Variants in AFF1 observed in about 807,000 individuals in gnomAD.
AFF1 encodes the protein AF4/FMR2 family member 1.
In AFF1, 48 loss-of-function variants were observed where a neutral mutation model predicts 121.7. The observed-to-expected ratio is 0.39, with a 90% CI of 0.31 to 0.50. The LOEUF (loss-of-function observed/expected upper bound fraction) is 0.50, where lower values mean the gene tolerates loss of function less well. AFF1 is among the 20% of genes least tolerant of loss of function. The pLI is 0.76. For missense variants in AFF1, 1,523 were observed against 1,511.7 expected (o/e 1.01, Z -0.12); for synonymous variants, 613 against 563.0 (o/e 1.09, Z -1.26).
chr4:87,033,163 G>GT (rs1185919808), intron 2 of AFF1, among the ~76,000 whole-genome samples: 21 of 152,120 alleles, frequency 1.4e-4, no homozygotes, highest in African/African-American at 4.8e-4. Flanking sequence ...AAGAATAAAT[G>GT]TTTTTTCTTT....
intron 2 of AFF1, among the ~76,000 whole-genome samples, chr4:86,970,046 G>A (rs1367554717): frequency 6.6e-6 from 1 of 151,900 alleles, no homozygotes; most frequent in Non-Finnish European, 1.5e-5. Flanking sequence ...GAAAGGGGGT[G>A]CACCAACTCC....
chr4:87,080,800 G>A (rs1723085946), intron 4 of AFF1, among the ~76,000 whole-genome samples: 1 of 152,150 alleles, frequency 6.6e-6, no homozygotes, highest in Admixed American at 6.5e-5. Flanking sequence ...ATCTTTCCCT[G>A]TAAACAAATC....
At position 87,046,712 on chromosome 4, in the gene AFF1, G is replaced by A; in HGVS notation, c.177G>A (p.Glu59=). The A allele has an allele frequency of 6.2e-7, 1 of 1,610,272 alleles. No individual in the cohort carries two copies. Among genetic ancestry groups the A allele is most frequent in the Non-Finnish European group, 8.5e-7 (1 of 1,177,022 alleles). The stretch of plus-strand genomic sequence containing the variant: ...TTTTTCAGACAGCAAAAGGTGATGA[G>A]CTGTCTAGTCGAATACAGAACATGT... ...GEPYKTAKGD[E]LSSRIQNMLG... is the part of the protein sequence containing the mutation. The change falls in exon 4 of 21, where the codon GAG becomes GAA. Residue 59 remains glutamate (E), a synonymous_variant. Coordinates refer to ENST00000395146, the MANE Select transcript of AFF1 (RefSeq NM_001166693.3).
At chr4:87,080,238 C>T (rs1422868981) in intron 4 of AFF1, among the ~76,000 whole-genome samples, 1 of 152,102 alleles carries the variant, frequency 6.6e-6, no homozygotes, top group African/African-American at 2.4e-5. Flanking sequence ...GTTTTGTGGT[C>T]ATGTTAAAGT....
chr4:87,135,982 G>T lies in AFF1; in HGVS notation c.*281G>T, dbSNP rs939244538. 5.6e-6 allele frequency: 2 copies of T among 354,650 alleles called. No homozygotes were observed. Among genetic ancestry groups the T allele is most frequent in the Non-Finnish European group, 1.0e-5 (2 of 199,280 alleles). The allele number at this position is 354,650 out of a possible 1,614,324, so 22.0% of individuals were successfully genotyped here. A position where few individuals can be genotyped will look rare whatever the true frequency, so the allele number is the denominator to read the frequency against. On this transcript the variant is annotated 3_prime_UTR_variant, in exon 21 of 21. Coordinates refer to ENST00000395146, the MANE Select transcript of AFF1 (RefSeq NM_001166693.3). ...ATTTAGCTTAAATGGGTGTATGAAT[G>T]GTCTAGAAACATTTCTATTTTTTTT...
At chr4:87,058,549 GTC>G (rs1208335152) in intron 4 of AFF1, among the ~76,000 whole-genome samples, 1 of 151,328 alleles carries the variant, frequency 6.6e-6, no homozygotes, top group Non-Finnish European at 1.5e-5. Context: ...GCCACCATTT[GTC>G]TCTTTCTGTT....
rs903446048 is a variant in AFF1, at chr4:87,137,009, C to T, written c.*1308C>T. Reference sequence around the variant, plus strand: ...TTATTGCCATAGTGTATGCATTAAACCAAGTCCATTTTGAATGACCTAAAA... The same window carrying T: ...TTATTGCCATAGTGTATGCATTAAATCAAGTCCATTTTGAATGACCTAAAA... On this transcript the variant is annotated 3_prime_UTR_variant, in exon 21 of 21. Transcript: ENST00000395146. 4.5e-6 allele frequency: 1 copy of T among 222,878 alleles called. No individual in the cohort carries two copies. Among genetic ancestry groups the T allele is most frequent in the Admixed American group, 5.7e-5 (1 of 17,400 alleles). 13.8% of individuals were successfully genotyped at this position (222,878 alleles called of 1,614,324 possible).
At chr4:86,952,941 G>C (rs930996909) in intron 2 of AFF1, among the ~76,000 whole-genome samples, 1 of 151,176 alleles carries the variant, frequency 6.6e-6, no homozygotes, top group Non-Finnish European at 1.5e-5. Flanking sequence ...TCCTGACCTT[G>C]TGTTCCCCTC....
chr4:87,064,583 T>C (rs543923475), intron 4 of AFF1, among the ~76,000 whole-genome samples: 1 of 152,154 alleles, frequency 6.6e-6, no homozygotes, highest in South Asian at 2.1e-4. Context: ...CTACAAAACA[T>C]TTTAAAAATT....
At position 86,949,537 on chromosome 4, in the gene AFF1, ATTTTTTTT is replaced by A. The variant is rs754229542; in HGVS notation, c.38+978_38+985del. The A allele has an allele frequency of 8.7e-4, 216 of 248,360 alleles. 7 individuals carry two copies. Among genetic ancestry groups the A allele is most frequent in the South Asian group, 1.7e-3 (33 of 19,154 alleles). The allele number at this position is 248,360 out of a possible 1,614,324, so 15.4% of individuals were successfully genotyped here. ...CTATTTATTAATTATTATTATTATT[ATTTTTTTT>A]TTTTTTTTTTTCCCGACTGGGGCAG... On this transcript the variant is annotated intron_variant, in intron 2 of 20. Transcript: ENST00000395146.
chr4:87,135,738 T>C lies in AFF1; in HGVS notation c.*37T>C, dbSNP rs1159684146. 8 of 1,592,836 alleles carry C rather than the reference T, an allele frequency of 5.0e-6. No homozygotes were observed. The highest frequency in any genetic ancestry group is 6.0e-6 in the Non-Finnish European group (7 of 1,168,372). ...GTTGATTCAATGCCTTGGGAACTAT[T>C]TTTGCACATTGGAAGCCTCAAAAAC... On this transcript the variant is annotated 3_prime_UTR_variant, in exon 21 of 21. Transcript: ENST00000395146.
At chr4:86,948,212 G>T (rs551192567) in intron 1 of AFF1, among the ~76,000 whole-genome samples, 114 of 152,218 alleles carry the variant, frequency 7.5e-4, no homozygotes, top group African/African-American at 2.7e-3. Context: ...GTAGGCACCA[G>T]GGGAATGGTA....
intron 2 of AFF1, among the ~76,000 whole-genome samples, chr4:87,007,953 C>G (rs924458951): frequency 6.6e-6 from 1 of 152,086 alleles, no homozygotes; most frequent in African/African-American, 2.4e-5. Flanking sequence ...AGGCAAAGAC[C>G]GGGAACGCGC....
At chr4:86,996,227 C>G (rs1359313059) in intron 2 of AFF1, among the ~76,000 whole-genome samples, 1 of 152,092 alleles carries the variant, frequency 6.6e-6, no homozygotes, top group East Asian at 1.9e-4. Flanking sequence ...GGAGGTGTAC[C>G]CAACAGCTCA....
intron 2 of AFF1, among the ~76,000 whole-genome samples, chr4:87,039,933 G>A (rs574142346): frequency 1.4e-4 from 22 of 152,044 alleles, no homozygotes; most frequent in Admixed American, 3.9e-4. Flanking sequence ...ATGGAGTCTC[G>A]CTCTGTAGCC....
In AFF1 at chr4:87,089,832, A is replaced by T. The variant is rs530142872; in HGVS notation, c.1105-152A>T. ...ACTTTTCAACATAGCCCACTGAAAT[A>T]GGAGTTGTTTTTTTTAAGTACATGA... On this transcript the variant is annotated intron_variant, in intron 5 of 20. Coordinates refer to ENST00000395146, the MANE Select transcript of AFF1 (RefSeq NM_001166693.3). The T allele has an allele frequency of 1.3e-4, 79 of 607,322 alleles. No homozygotes were observed. The South Asian group carries it at 1.8e-3, about 14-fold the overall frequency. 37.6% of individuals were successfully genotyped at this position (607,322 alleles called of 1,614,324 possible). A position where few individuals can be genotyped will look rare whatever the true frequency, so the allele number is the denominator to read the frequency against.
At chr4:86,973,144 C>T (rs774728484) in intron 2 of AFF1, among the ~76,000 whole-genome samples, 9 of 152,118 alleles carry the variant, frequency 5.9e-5, no homozygotes, top group Non-Finnish European at 1.2e-4. Context: ...TGCACTGCTG[C>T]ACGGAGGCAG....
chr4:87,047,251 G>T lies in AFF1; in HGVS notation c.716G>T (p.Gly239Val), dbSNP rs138880071. The change falls in exon 4 of 21, where the codon GGC (glycine) becomes GTC (valine). Residue 239 changes from glycine to valine, a missense_variant. This residue lies in a region of AFF1 where 369 missense variants were observed against 367.2 expected (regional missense o/e 1.00). Transcript: ENST00000395146. The part of the protein sequence containing the change: ...PRTQGSSKVH[G>V]SSNNSKGYCP... ...ACGCAAGGAAGCAGCAAGGTTCATG[G>T]CAGCAGCAATAACAGTAAAGGCTAT... 6.2e-7 allele frequency: 1 copy of T among 1,614,062 alleles called. No individual in the cohort carries two copies. Among genetic ancestry groups the T allele is most frequent in the Non-Finnish European group, 8.5e-7 (1 of 1,180,056 alleles).
chr4:87,087,037 G>T (rs1409603876), intron 5 of AFF1, among the ~76,000 whole-genome samples: 1 of 152,116 alleles, frequency 6.6e-6, no homozygotes, highest in Non-Finnish European at 1.5e-5. Flanking sequence ...TCTAGAAAGG[G>T]CAACATGCCC....
Sources: gnomAD v4.1 joint callset for allele counts (sites outside exome capture counted in the v4.1 genomes callset) on GRCh38, gnomAD v4.1.1 for gene constraint, gnomAD v4.1.1 regional missense constraint, MANE v1.5 for transcripts, NCBI Gene and HGNC (gene_info 2026-07-23, HGNC 2026-07-21) for gene names.